RORA: variants seen among roughly 807,000 people sequenced by gnomAD.
RORA encodes the protein nuclear receptor ROR-alpha.
A neutral mutation model predicts 69.5 loss-of-function variants in RORA; 7 were observed. That is an observed-to-expected ratio of 0.10 (90% confidence interval 0.06 to 0.19). The LOEUF is 0.19. Among genes scored for constraint, RORA ranks in the 10% least tolerant of loss-of-function variants. The pLI is 1.00. For synonymous variants in RORA, 261 were observed against 240.8 expected, an observed-to-expected ratio of 1.08 and a Z score of -0.78; for missense variants, 457 against 663.0, an observed-to-expected ratio of 0.69 and a Z score of 3.41.
chr15:61,085,301 G>T (rs2078605958), intron 1 of RORA, among the ~76,000 whole-genome samples: 1 of 152,132 alleles, frequency 6.6e-6, no homozygotes, highest in Admixed American at 6.5e-5. Context: ...CAGAGGTCTG[G>T]ACTGGGAATC....
In RORA at chr15:60,497,375, A is replaced by G. The variant is rs2065193858; in HGVS notation, c.*80T>C. On this transcript the variant is annotated 3_prime_UTR_variant, in exon 11 of 11. Transcript: ENST00000335670. ...GCGCTCCAGGTCTGTGCAGGGCCAT[A>G]TAAAGTGTCTCGGTTAATTTTTTTG... 9.1e-6 allele frequency: 12 copies of G among 1,324,050 alleles called. No individual in the cohort carries two copies. In the South Asian group the frequency reaches 1.4e-4, roughly 16 times the overall value. The allele number at this position is 1,324,050 out of a possible 1,614,324, so 82.0% of individuals were successfully genotyped here.
intron 1 of RORA, among the ~76,000 whole-genome samples, chr15:60,980,948 GGA>G (rs58615970): frequency 0.21 from 31,272 of 151,698 alleles, 3,363 homozygotes; most frequent in African/African-American, 0.25. Context: ...AACTTAAGGT[GGA>G]GTTTAGGTTA....
chr15:60,781,983 C>G (rs2072267786), intron 1 of RORA, among the ~76,000 whole-genome samples: 1 of 152,172 alleles, frequency 6.6e-6, no homozygotes, highest in African/African-American at 2.4e-5. Context: ...TCCCAGCACT[C>G]TGGGAGGCCG....
chr15:60,627,296 G>A (rs372625965), intron 2 of RORA: 6 of 1,614,020 alleles, frequency 3.7e-6, no homozygotes, highest in African/African-American at 1.3e-5. Flanking sequence ...TGTCCAGTTC[G>A]AAGACAATGA....
At chr15:60,503,923 C>T (rs1033011103) in intron 6 of RORA, among the ~76,000 whole-genome samples, 1 of 152,130 alleles carries the variant, frequency 6.6e-6, no homozygotes, top group Non-Finnish European at 1.5e-5. Flanking sequence ...CTGCCTCAGC[C>T]TCCTGAGTAG....
rs2079162105 is a variant in RORA at position 61,128,513 on chromosome 15, A to G, written c.166+100540T>C. Among the ~76,000 whole-genome samples, 4 of 152,190 alleles carry G rather than the reference A, an allele frequency of 2.6e-5. No homozygotes were observed. In the South Asian group the frequency reaches 8.3e-4, roughly 31 times the overall value. Reference sequence around the variant, plus strand: ...GAATATAATTACAGATACCATGAGCACAGACCTATGACGCTGTTGATTACG... The same window carrying G: ...GAATATAATTACAGATACCATGAGCGCAGACCTATGACGCTGTTGATTACG... On this transcript the variant is annotated intron_variant, in intron 1 of 10. Coordinates refer to ENST00000335670, the MANE Select transcript of RORA (RefSeq NM_134261.3). The surrounding 1 kb of genome is among the most constrained non-coding windows in gnomAD (Gnocchi z 4.5).
intron 1 of RORA, among the ~76,000 whole-genome samples, chr15:60,978,384 T>C (rs1191366408): frequency 6.6e-6 from 1 of 152,202 alleles, no homozygotes; most frequent in Non-Finnish European, 1.5e-5. Flanking sequence ...CTTTTTGTAG[T>C]TGAGCTTCAA....
chr15:60,547,092 C>T (rs7176099), intron 2 of RORA, among the ~76,000 whole-genome samples: 3,209 of 152,194 alleles, frequency 0.021, 121 homozygotes, highest in African/African-American at 0.073. Context: ...CCTTCGAATG[C>T]TCTTTGTTGT....
intron 1 of RORA, among the ~76,000 whole-genome samples, chr15:60,731,493 A>C (rs547809237): frequency 6.6e-6 from 1 of 152,342 alleles, no homozygotes; most frequent in East Asian, 1.9e-4. Flanking sequence ...AAACAGAAAA[A>C]AGTCAAAACA....
At chr15:61,221,438 C>T (rs964712756) in intron 1 of RORA, among the ~76,000 whole-genome samples, 3 of 152,062 alleles carry the variant, frequency 2.0e-5, no homozygotes, top group Non-Finnish European at 4.4e-5. Context: ...TTTGCTTATA[C>T]AAAAAAGTCA....
chr15:60,844,396 T>C (rs201882177), intron 1 of RORA, among the ~76,000 whole-genome samples: 102 of 152,278 alleles, frequency 6.7e-4, no homozygotes, highest in East Asian at 6.6e-3. Flanking sequence ...GAAAAGCCAA[T>C]GAAGGAGTTG....
chr15:60,896,722 G>T (rs1336184829), intron 1 of RORA, among the ~76,000 whole-genome samples: 6 of 140,296 alleles, frequency 4.3e-5, no homozygotes, highest in East Asian at 4.2e-4. Context: ...CAAGACTCTG[G>T]AGAATTTAGC....
At chr15:60,937,375 A>C (rs1335750896) in intron 1 of RORA, among the ~76,000 whole-genome samples, 2 of 152,182 alleles carry the variant, frequency 1.3e-5, no homozygotes, top group African/African-American at 4.8e-5. Flanking sequence ...TGTCTTGGTG[A>C]GAAAGCACTC....
chr15:60,922,374 T>G (rs1156285292), intron 1 of RORA, among the ~76,000 whole-genome samples: 1 of 152,156 alleles, frequency 6.6e-6, no homozygotes, highest in Admixed American at 6.5e-5. Context: ...TGTGCCACTC[T>G]GGTGGGGGAT....
intron 1 of RORA, among the ~76,000 whole-genome samples, chr15:60,986,838 G>C (rs1279473386): frequency 2.0e-5 from 3 of 152,290 alleles, no homozygotes; most frequent in South Asian, 2.1e-4. Flanking sequence ...ACGTTTTCCT[G>C]AAGTATCTGC....
chr15:60,874,521 A>C (rs1056138166), intron 1 of RORA, among the ~76,000 whole-genome samples: 2 of 152,222 alleles, frequency 1.3e-5, no homozygotes, highest in Non-Finnish European at 2.9e-5. Flanking sequence ...GCAGCCACAG[A>C]CAATACATGA....
chr15:60,838,605 T>C (rs1397415804), intron 1 of RORA, among the ~76,000 whole-genome samples: 2 of 152,210 alleles, frequency 1.3e-5, no homozygotes, highest in African/African-American at 4.8e-5. Context: ...AGTAGGTTCA[T>C]GGGGAACCCC....
intron 4 of RORA, among the ~76,000 whole-genome samples, chr15:60,513,419 C>A (rs2065767935): frequency 6.6e-6 from 1 of 152,194 alleles, no homozygotes; most frequent in Non-Finnish European, 1.5e-5. Context: ...AAACTTTCTG[C>A]TGTGACTCCG....
intron 2 of RORA, among the ~76,000 whole-genome samples, chr15:60,619,104 T>C (rs2069335767): frequency 6.6e-6 from 1 of 152,244 alleles, no homozygotes; most frequent in Non-Finnish European, 1.5e-5. Context: ...TCCCTTCTTG[T>C]GCTTCACTAA....
Sources: allele counts gnomAD v4.1 joint callset (sites outside exome capture counted in the v4.1 genomes callset), GRCh38; gene constraint gnomAD v4.1.1; non-coding constraint Gnocchi (gnomAD v3.1); transcripts MANE v1.5; gene names NCBI Gene and HGNC (gene_info 2026-07-23, HGNC 2026-07-21).